NDST3: variants seen among roughly 807,000 people sequenced by gnomAD.
NDST3 encodes N-deacetylase and N-sulfotransferase 3.
In NDST3, 58 loss-of-function variants were observed where a neutral mutation model predicts 96.1. The ratio of observed to expected loss-of-function variants is 0.60; its 90% CI spans 0.49 to 0.75. The LOEUF (loss-of-function observed/expected upper bound fraction) is 0.75, where lower values mean the gene tolerates loss of function less well. Among genes scored for constraint, NDST3 ranks in the 30% least tolerant of loss-of-function variants. The pLI is 0.00. For synonymous variants in NDST3, 333 were observed against 359.7 expected, an observed-to-expected ratio of 0.93 and a Z score of 0.84; for missense variants, 788 against 1,034.2, an observed-to-expected ratio of 0.76 and a Z score of 3.27.
chr4:118,145,218 A>C lies in NDST3; in HGVS notation c.1539+1534A>C, dbSNP rs577390161. Among the ~76,000 whole-genome samples, 7 of 152,326 alleles carry C rather than the reference A, an allele frequency of 4.6e-5. No individual in the cohort carries two copies. In the South Asian group the frequency reaches 1.5e-3, roughly 32 times the overall value. On this transcript the variant is annotated intron_variant, in intron 6 of 13. Transcript: ENST00000296499. ...AGTACAGTAATATACAGTCAAAAAG[A>C]GTTAAACCAATGCCTGGTTATGAAC...
At chr4:118,046,766 G>C (rs1250202074) in intron 1 of NDST3, among the ~76,000 whole-genome samples, 1 of 152,156 alleles carries the variant, frequency 6.6e-6, no homozygotes, top group Non-Finnish European at 1.5e-5. Flanking sequence ...CACTCAAGTG[G>C]GAGAGGAGCT....
At chr4:118,119,114 C>T (rs1203433699) in intron 4 of NDST3, among the ~76,000 whole-genome samples, 1 of 152,234 alleles carries the variant, frequency 6.6e-6, no homozygotes, top group East Asian at 1.9e-4. Flanking sequence ...GAAGATTGAA[C>T]TTCTAATTGT....
chr4:118,160,802 G>C (rs890427672), intron 6 of NDST3, among the ~76,000 whole-genome samples: 2 of 151,974 alleles, frequency 1.3e-5, no homozygotes, highest in Non-Finnish European at 2.9e-5. Flanking sequence ...TAACTTCTTT[G>C]CCTTTGGTTT....
intron 2 of NDST3, among the ~76,000 whole-genome samples, chr4:118,085,650 T>C (rs374160389): frequency 1.3e-5 from 2 of 152,348 alleles, no homozygotes; most frequent in East Asian, 3.9e-4. Context: ...ACAATGAATA[T>C]TGTTGGGTAA....
At chr4:118,062,074 T>C (rs1435620464) in intron 2 of NDST3, among the ~76,000 whole-genome samples, 2 of 152,098 alleles carry the variant, frequency 1.3e-5, no homozygotes, top group Non-Finnish European at 2.9e-5. Flanking sequence ...GACTACGGTC[T>C]GTTTACACCT....
chr4:118,092,367 C>T (rs530350653), intron 2 of NDST3, among the ~76,000 whole-genome samples: 11 of 151,834 alleles, frequency 7.2e-5, no homozygotes, highest in South Asian at 2.1e-4. Flanking sequence ...TTCTCAAGAA[C>T]CTTCCAATTA....
intron 2 of NDST3, among the ~76,000 whole-genome samples, chr4:118,083,729 C>G (rs116730759): frequency 6.6e-6 from 1 of 152,168 alleles, no homozygotes; most frequent in African/African-American, 2.4e-5. Context: ...TCCTTCTTAA[C>G]AGCATTCTCA....
intron 2 of NDST3, among the ~76,000 whole-genome samples, chr4:118,076,477 G>A (rs1292286165): frequency 6.6e-6 from 1 of 152,050 alleles, no homozygotes; most frequent in Non-Finnish European, 1.5e-5. Flanking sequence ...ATTCTCAGAG[G>A]TTTTGTTCAT....
chr4:118,096,708 T>TAGATAGATAGACAGAC (rs1476720051), intron 2 of NDST3, among the ~76,000 whole-genome samples: 1 of 145,254 alleles, frequency 6.9e-6, no homozygotes, highest in Admixed American at 6.9e-5. Flanking sequence ...GATAGATAGA[T>TAGATAGATAGACAGAC]AGACAGTTAG....
chr4:118,111,704 A>AT (rs999711677), intron 3 of NDST3, among the ~76,000 whole-genome samples: 2 of 150,618 alleles, frequency 1.3e-5, no homozygotes, highest in African/African-American at 4.9e-5. Context: ...GCCTGGCAAA[A>AT]TTTTTTTTGT....
chr4:118,237,365 C>A, intron 10 of NDST3, 145 bp downstream of exon 10: 1 of 589,968 alleles, frequency 1.7e-6, no homozygotes, highest in Non-Finnish European at 2.5e-6. Context: ...ACAAGTTTTT[C>A]TTGATTTCTA....
intron 6 of NDST3, among the ~76,000 whole-genome samples, chr4:118,169,339 T>C (rs1276709956): frequency 6.6e-6 from 1 of 152,168 alleles, no homozygotes; most frequent in Non-Finnish European, 1.5e-5. Flanking sequence ...AATAATGTAA[T>C]GTAATTTATA....
intron 5 of NDST3, among the ~76,000 whole-genome samples, chr4:118,141,408 C>T (rs1252690794): frequency 1.3e-5 from 2 of 152,124 alleles, no homozygotes; most frequent in Non-Finnish European, 2.9e-5. Context: ...ATCTCCTTAG[C>T]CTCCTGTAGT....
chr4:118,248,401 T>A (rs1452374664), intron 12 of NDST3, among the ~76,000 whole-genome samples: 1 of 152,092 alleles, frequency 6.6e-6, no homozygotes, highest in African/African-American at 2.4e-5. Flanking sequence ...CATTGGAGAA[T>A]CTTGGTGCCC....
intron 6 of NDST3, among the ~76,000 whole-genome samples, chr4:118,222,312 T>C (rs960415053): frequency 2.6e-5 from 4 of 151,586 alleles, no homozygotes; most frequent in South Asian, 2.1e-4. Flanking sequence ...CATACCTTCC[T>C]AAGAAAAAAG....
intron 2 of NDST3, among the ~76,000 whole-genome samples, chr4:118,060,269 T>A (rs1725788475): frequency 6.6e-6 from 1 of 152,140 alleles, no homozygotes; most frequent in African/African-American, 2.4e-5. Flanking sequence ...AGTGCACATA[T>A]TTTGAAATTG....
At chr4:118,137,204 T>A (rs1375763874) in intron 4 of NDST3, among the ~76,000 whole-genome samples, 1 of 152,136 alleles carries the variant, frequency 6.6e-6, no homozygotes. Flanking sequence ...TTTTTGAAGA[T>A]TTTTTCCAAG....
chr4:118,187,001 G>A (rs1737006704), intron 6 of NDST3, among the ~76,000 whole-genome samples: 1 of 152,142 alleles, frequency 6.6e-6, no homozygotes, highest in South Asian at 2.1e-4. Context: ...CCATGAGGAG[G>A]ATAATACCAA....
chr4:118,193,552 G>C (rs1578794628), intron 6 of NDST3: 8 of 1,024,662 alleles, frequency 7.8e-6, no homozygotes, highest in East Asian at 4.8e-5. Flanking sequence ...TGTTGGCGTA[G>C]AGCGTCTTCT....
Sources: gnomAD v4.1 joint callset for allele counts (sites outside exome capture counted in the v4.1 genomes callset) on GRCh38, gnomAD v4.1.1 for gene constraint, MANE v1.5 for transcripts, NCBI Gene and HGNC (gene_info 2026-07-23, HGNC 2026-07-21) for gene names.